Variants in FBLN2 observed in about 807,000 individuals in gnomAD.
The protein encoded by FBLN2 is fibulin 2, also known as fibulin-2.
In FBLN2, 81 loss-of-function variants were observed where a neutral mutation model predicts 123.7. The observed-to-expected ratio is 0.65, with a 90% CI of 0.55 to 0.79. The LOEUF (loss-of-function observed/expected upper bound fraction) is 0.79, where lower values mean the gene tolerates loss of function less well. FBLN2 is among the 30% of genes least tolerant of loss of function. The pLI, the probability that FBLN2 is intolerant of heterozygous loss-of-function variation, is 0.00. For synonymous variants in FBLN2, 699 were observed against 701.4 expected, an observed-to-expected ratio of 1.00 and a Z score of 0.05; for missense variants, 1,603 against 1,681.3, an observed-to-expected ratio of 0.95 and a Z score of 0.81.
rs1706537341 is a variant in FBLN2, at chr3:13,637,925, C to T, written c.*6C>T. ...TCACCACCTTTGCCCTGTGAGGTGC[C>T]AGCACGGGCCACCTGCGGGTGTGGC... On this transcript the variant is annotated 3_prime_UTR_variant, in exon 18 of 18. Coordinates refer to ENST00000404922, the MANE Select transcript of FBLN2 (RefSeq NM_001004019.2). 6.4e-7 allele frequency: 1 copy of T among 1,568,428 alleles called. No homozygotes were observed. The highest frequency in any genetic ancestry group is 1.3e-5 in the African/African-American group (1 of 74,252).
chr3:13,612,934 C>A (rs907813559), intron 4 of FBLN2, among the ~76,000 whole-genome samples: 13 of 152,168 alleles, frequency 8.5e-5, no homozygotes, highest in Admixed American at 5.2e-4. Flanking sequence ...CAGCTGAGTA[C>A]TTCTGCTGAC....
At chr3:13,637,189 C>G (rs897009688) in intron 17 of FBLN2, among the ~76,000 whole-genome samples, 3 of 151,750 alleles carry the variant, frequency 2.0e-5, no homozygotes, top group African/African-American at 7.3e-5. Flanking sequence ...GGGAGGGACA[C>G]TGGGTGCACT....
chr3:13,582,878 A>T (rs1372278902), intron 2 of FBLN2, among the ~76,000 whole-genome samples: 2 of 152,212 alleles, frequency 1.3e-5, no homozygotes, highest in African/African-American at 4.8e-5. Flanking sequence ...CTTCAAACAG[A>T]TGTAGATGTG....
At chr3:13,563,739 C>T (rs1352740369) in intron 1 of FBLN2, among the ~76,000 whole-genome samples, 1 of 152,258 alleles carries the variant, frequency 6.6e-6, no homozygotes, top group Non-Finnish European at 1.5e-5. Context: ...CTGAGGCCAA[C>T]TACACCATGT....
intron 2 of FBLN2, among the ~76,000 whole-genome samples, chr3:13,603,073 G>A (rs1705088346): frequency 1.3e-5 from 2 of 151,658 alleles, no homozygotes; most frequent in African/African-American, 2.4e-5. Context: ...ACCAAGCCTG[G>A]CTAATTTTTT....
intron 7 of FBLN2, 70 bp from the exon 8 acceptor site, chr3:13,619,660 A>G: frequency 1.5e-6 from 2 of 1,302,056 alleles, no homozygotes; most frequent in South Asian, 1.3e-5. Flanking sequence ...AGAGCCAGGG[A>G]TGGGGAATGA....
chr3:13,566,794 C>T (rs1480673219), intron 1 of FBLN2, among the ~76,000 whole-genome samples: 1 of 152,238 alleles, frequency 6.6e-6, no homozygotes, highest in African/African-American at 2.4e-5. Context: ...TTTATGTGAA[C>T]GTTTTCAATT....
chr3:13,561,361 G>A (rs1377588936), intron 1 of FBLN2, among the ~76,000 whole-genome samples: 2 of 152,114 alleles, frequency 1.3e-5, no homozygotes, highest in African/African-American at 4.8e-5. Context: ...CCTGGGCCCC[G>A]GATTCAGTGA....
chr3:13,575,269 A>G (rs1021405253), intron 2 of FBLN2, among the ~76,000 whole-genome samples: 8 of 152,308 alleles, frequency 5.3e-5, no homozygotes, highest in African/African-American at 1.9e-4. Context: ...GCCAGAGCCC[A>G]TGAATTCGTG....
chr3:13,609,519 C>T lies in FBLN2; in HGVS notation c.1425C>T (p.Ala475=). The change falls in exon 4 of 18, where the codon GCC becomes GCT. Residue 475 remains alanine (A), a synonymous_variant. Coordinates refer to ENST00000404922, the MANE Select transcript of FBLN2 (RefSeq NM_001004019.2). ...GTTACCCCCTCTGTTTCAGGACAGC[C>T]CAGAGGCACTGCTGTGTCTCCTACT... The part of the protein sequence containing the change: ...SGTEDNVCRT[A]QRHCCVSYLQ... 1 of 1,549,942 alleles carries T rather than the reference C, an allele frequency of 6.5e-7. No individual in the cohort carries two copies.
chr3:13,601,669 G>A (rs1705036454), intron 2 of FBLN2, among the ~76,000 whole-genome samples: 1 of 152,248 alleles, frequency 6.6e-6, no homozygotes, highest in African/African-American at 2.4e-5. Context: ...CCAGGGGGCT[G>A]AGATATGGCT....
chr3:13,598,529 C>G (rs1170451806), intron 2 of FBLN2, among the ~76,000 whole-genome samples: 1 of 152,234 alleles, frequency 6.6e-6, no homozygotes, highest in Non-Finnish European at 1.5e-5. Flanking sequence ...TGTCATTTCC[C>G]TAAGGCTGTG....
chr3:13,572,842 C>T (rs1704008061), intron 2 of FBLN2, among the ~76,000 whole-genome samples: 1 of 152,226 alleles, frequency 6.6e-6, no homozygotes, highest in African/African-American at 2.4e-5. Flanking sequence ...GAGCCTTGAA[C>T]TCCTGCAGGG....
intron 1 of FBLN2, among the ~76,000 whole-genome samples, chr3:13,555,689 T>C (rs1307766360): frequency 1.3e-5 from 2 of 151,438 alleles, no homozygotes; most frequent in East Asian, 2.0e-4. Context: ...CTCCTGACCT[T>C]GTGATCCACC....
chr3:13,597,172 C>G (rs1394036630), intron 2 of FBLN2, among the ~76,000 whole-genome samples: 1 of 152,154 alleles, frequency 6.6e-6, no homozygotes, highest in Non-Finnish European at 1.5e-5. Flanking sequence ...CCTCAAGCAA[C>G]CCTCCTGCTT....
intron 1 of FBLN2, 32 bp from the exon 2 acceptor site, chr3:13,570,283 G>T: frequency 4.8e-6 from 7 of 1,454,032 alleles, no homozygotes; most frequent in Non-Finnish European, 6.4e-6. Context: ...TGCACACCCA[G>T]TACTGACAGG....
chr3:13,616,254 T>A (rs925530217), intron 5 of FBLN2, among the ~76,000 whole-genome samples: 1 of 152,188 alleles, frequency 6.6e-6, no homozygotes, highest in Non-Finnish European at 1.5e-5. Flanking sequence ...CAGAAGAGTC[T>A]GGCTGAAGGT....
At chr3:13,609,687 G>GACAACGACAGCT in intron 4 of FBLN2, 45 bp downstream of exon 4, 7 of 463,680 alleles carry the variant, frequency 1.5e-5, no homozygotes, top group Non-Finnish European at 2.6e-5. Flanking sequence ...GGTGGGGCGG[G>GACAACGACAGCT]GCGGGAGGCT....
chr3:13,621,954 C>G (rs1031706766), intron 9 of FBLN2, 39 bp downstream of exon 9: 19 of 1,596,262 alleles, frequency 1.2e-5, no homozygotes, highest in Non-Finnish European at 1.6e-5. Context: ...CGTCACAGCT[C>G]TCCGCTCTGC....
Sources: gnomAD v4.1 joint callset for allele counts (sites outside exome capture counted in the v4.1 genomes callset) on GRCh38, gnomAD v4.1.1 for gene constraint, MANE v1.5 for transcripts, NCBI Gene and HGNC (gene_info 2026-07-23, HGNC 2026-07-21) for gene names.